Variants in ALLC observed in about 807,000 individuals in gnomAD.
ALLC encodes the protein allantoicase, also known as probable inactive allantoicase.
Under a neutral mutation model 45.0 loss-of-function variants are expected in ALLC, and 40 were observed. The observed-to-expected ratio is 0.89, with a 90% CI of 0.69 to 1.16. The LOEUF (loss-of-function observed/expected upper bound fraction) is 1.16, where lower values mean the gene tolerates loss of function less well. ALLC is among the 50% of genes most tolerant of loss of function. ALLC has a pLI of 0.00. For synonymous variants in ALLC, 176 were observed against 178.1 expected (o/e 0.99, Z 0.09); for missense variants, 488 against 493.1 (o/e 0.99, Z 0.10).
upstream of ALLC, among the ~76,000 whole-genome samples, chr2:3,654,488 G>T (rs558933692): frequency 6.6e-6 from 1 of 152,384 alleles, no homozygotes; most frequent in African/African-American, 2.4e-5. Context: ...TGCTGGGGCC[G>T]TCTAGGAGGC....
chr2:3,693,420 A>T (rs1667574311), intron 7 of ALLC, among the ~76,000 whole-genome samples: 1 of 152,266 alleles, frequency 6.6e-6, no homozygotes, highest in Non-Finnish European at 1.5e-5. Flanking sequence ...GTGCAAGAAA[A>T]TGAATGAGCA....
upstream of ALLC, among the ~76,000 whole-genome samples, chr2:3,656,746 A>C (rs1666449740): frequency 6.6e-6 from 1 of 150,472 alleles, no homozygotes; most frequent in African/African-American, 2.5e-5. Flanking sequence ...GGTGATTTGG[A>C]AGCACATTAG....
intron 2 of ALLC, among the ~76,000 whole-genome samples, chr2:3,672,453 G>A (rs1434211119): frequency 2.2e-5 from 3 of 134,186 alleles, no homozygotes; most frequent in South Asian, 2.4e-4. Context: ...CTCTGGCTCT[G>A]GTTAGATCGG....
intron 2 of ALLC, among the ~76,000 whole-genome samples, chr2:3,673,766 C>G (rs561977600): frequency 6.6e-6 from 1 of 152,020 alleles, no homozygotes; most frequent in Non-Finnish European, 1.5e-5. Context: ...AAAAGTAGCA[C>G]GAAACCTCTG....
In ALLC at chr2:3,701,519, T is replaced by C. The variant is rs747872693; in HGVS notation, c.858T>C (p.Ala286=). 8.2e-6 allele frequency: 13 copies of C among 1,593,202 alleles called. No homozygotes were observed. The East Asian group carries it at 2.7e-4, about 33-fold the overall frequency. The stretch of plus-strand genomic sequence containing the variant: ...TGTGTTTTGCTCCAACAGGCAATGC[T>C]CCTGACAGCTGTAAAGTGGATGGGT... ...EIDTKYFEGN[A]PDSCKVDGCI... is the part of the protein sequence containing the mutation. Residue 286 remains alanine (A), a synonymous_variant, in exon 11 of 12, where the codon GCT becomes GCC. Coordinates refer to ENST00000252505, the MANE Select transcript of ALLC (RefSeq NM_018436.4).
chr2:3,660,708 G>A (rs1325113546), intron 1 of ALLC, among the ~76,000 whole-genome samples: 3 of 152,108 alleles, frequency 2.0e-5, no homozygotes, highest in Non-Finnish European at 4.4e-5. Flanking sequence ...GACCGCACAG[G>A]CTAAACTAAT....
At chr2:3,681,798 C>T (rs997597405) in intron 6 of ALLC, 85 bp downstream of exon 6, 17 of 1,141,934 alleles carry the variant, frequency 1.5e-5, no homozygotes, top group South Asian at 2.9e-5. Flanking sequence ...CTGTGCAAGG[C>T]GATTCTTTGG....
chr2:3,689,930 A>G (rs1667426928), intron 7 of ALLC, among the ~76,000 whole-genome samples: 1 of 141,786 alleles, frequency 7.1e-6, no homozygotes, highest in South Asian at 2.2e-4. Context: ...CCCATTTATC[A>G]TTATACAGTG....
chr2:3,677,884 T>C (rs1385732976), intron 3 of ALLC, among the ~76,000 whole-genome samples: 2 of 152,242 alleles, frequency 1.3e-5, no homozygotes, highest in Non-Finnish European at 2.9e-5. Context: ...GGGTCTTTCA[T>C]GTCGGCTATT....
intron 7 of ALLC, among the ~76,000 whole-genome samples, chr2:3,685,477 CAGAG>C (rs965279028): frequency 8.7e-5 from 13 of 150,224 alleles, no homozygotes; most frequent in African/African-American, 2.9e-4. Context: ...GACAGACAGA[CAGAG>C]AGAGACAGAG....
chr2:3,673,913 A>G (rs1382352348), intron 2 of ALLC, among the ~76,000 whole-genome samples, 162 bp from the exon 3 acceptor site: 1 of 152,266 alleles, frequency 6.6e-6, no homozygotes, highest in African/African-American at 2.4e-5. Flanking sequence ...ATGAAATGGA[A>G]GCATTTCAAG....
the ALLC span, among the ~76,000 whole-genome samples, chr2:3,651,950 C>T: frequency 6.6e-6 from 1 of 152,188 alleles, no homozygotes; most frequent in African/African-American, 2.4e-5. Context: ...GGTCTGTGGC[C>T]GGTGAGGGCT....
chr2:3,684,891 A>G (rs1667285247), intron 7 of ALLC, among the ~76,000 whole-genome samples: 2 of 152,306 alleles, frequency 1.3e-5, no homozygotes, highest in South Asian at 4.1e-4. Context: ...TAATCACATC[A>G]TGGAGAATGA....
intron 7 of ALLC, among the ~76,000 whole-genome samples, chr2:3,690,016 C>A (rs1202349143): frequency 6.8e-6 from 1 of 146,690 alleles, no homozygotes; most frequent in African/African-American, 2.5e-5. Flanking sequence ...TACTCCTGCT[C>A]TTTTTTGGCC....
intron 7 of ALLC, among the ~76,000 whole-genome samples, chr2:3,692,481 A>G (rs1229126444): frequency 1.3e-5 from 2 of 152,252 alleles, no homozygotes; most frequent in Non-Finnish European, 2.9e-5. Flanking sequence ...TGTGTTGGAC[A>G]AGCTTAGCTT....
At chr2:3,701,024 T>G (rs1219221395) in intron 10 of ALLC, among the ~76,000 whole-genome samples, 4 of 152,168 alleles carry the variant, frequency 2.6e-5, no homozygotes, top group African/African-American at 9.7e-5. Context: ...TGAAGATGAC[T>G]CAGAAATCCC....
chr2:3,660,739 A>C (rs1174640647), intron 1 of ALLC, among the ~76,000 whole-genome samples: 1 of 152,038 alleles, frequency 6.6e-6, no homozygotes, highest in African/African-American at 2.4e-5. Context: ...TGATTTAAAG[A>C]GAGTGATGGG....
At chr2:3,695,336 G>A in intron 7 of ALLC, 1 of 226,394 alleles carries the variant, frequency 4.4e-6, no homozygotes. Flanking sequence ...AACTTAAAAA[G>A]ATAATTTCAG....
In ALLC at chr2:3,658,226, C is replaced by A. The variant is rs1345251249; in HGVS notation, c.-131C>A. The A allele has an allele frequency of 1.3e-5, 2 of 152,350 alleles. No homozygotes were observed. The highest frequency in any genetic ancestry group is 3.8e-4 in the East Asian group (2 of 5,198). 9.4% of individuals were successfully genotyped at this position (152,350 alleles called of 1,614,324 possible). ...TTCTCTCTGAGCTGGCACTCAAGCACCGTGGGACCTTGGCTGGCTTCTGGG... is the reference window on the plus strand; with the variant it reads ...TTCTCTCTGAGCTGGCACTCAAGCAACGTGGGACCTTGGCTGGCTTCTGGG... On this transcript the variant is annotated 5_prime_UTR_variant, in exon 1 of 12. Coordinates refer to ENST00000252505, the MANE Select transcript of ALLC (RefSeq NM_018436.4).
Sources: allele counts gnomAD v4.1 joint callset (sites outside exome capture counted in the v4.1 genomes callset), GRCh38; gene constraint gnomAD v4.1.1; transcripts MANE v1.5; gene names NCBI Gene and HGNC (gene_info 2026-07-23, HGNC 2026-07-21).